Variants in MCM3AP observed in about 807,000 individuals in gnomAD.
MCM3AP encodes the protein minichromosome maintenance complex component 3 associated protein, also known as germinal-center associated nuclear protein.
A neutral mutation model predicts 184.1 loss-of-function variants in MCM3AP; 126 were observed. That is an observed-to-expected ratio of 0.68 (90% CI 0.59 to 0.79). MCM3AP has a LOEUF of 0.79. Ranked by LOEUF, MCM3AP falls within the 30% of genes least tolerant of loss-of-function variation. MCM3AP has a pLI of 0.00. For missense variants in MCM3AP, 2,496 were observed against 2,479.2 expected (o/e 1.01, Z -0.14); for synonymous variants, 1,002 against 979.3 (o/e 1.02, Z -0.43).
At chr21:46,258,508 T>C (rs2145655820) in intron 16 of MCM3AP, among the ~76,000 whole-genome samples, 1 of 152,324 alleles carries the variant, frequency 6.6e-6, no homozygotes, top group South Asian at 2.1e-4. Context: ...ACAACCTATT[T>C]AGTTTGAATA....
chr21:46,260,834 C>T lies in MCM3AP; in HGVS notation c.3540G>A (p.Val1180=). 1.2e-6 allele frequency: 2 copies of T among 1,614,206 alleles called. No individual in the cohort carries two copies. The highest frequency in any genetic ancestry group is 1.7e-6 in the Non-Finnish European group (2 of 1,180,028). Residue 1180 remains valine (V), a synonymous_variant, in exon 15 of 28, where the codon GTG becomes GTA. Transcript: ENST00000291688. ...QGLAVELMER[V]MMEFVRETCS... The stretch of plus-strand genomic sequence containing the variant: ...AGGTTTCCCTCACAAACTCCATCAT[C>T]ACGCGTTCCATCAGCTCCACGGCCA...
rs763090302 is a variant in MCM3AP, at chr21:46,243,482, CG to C, written c.5278del (p.Arg1760GlyfsTer9). The C allele has an allele frequency of 5.0e-6, 8 of 1,610,470 alleles. No homozygotes were observed. Among genetic ancestry groups the C allele is most frequent in the Non-Finnish European group, 5.9e-6 (7 of 1,177,816 alleles). ...CTAATTACCTGATGTAACAGGAAGCCGGGGGGGCGTCCAGTCTCTCAGCTTG... is the reference window on the plus strand; with the variant it reads ...CTAATTACCTGATGTAACAGGAAGCCGGGGGGCGTCCAGTCTCTCAGCTTG... ...NHKLRDWTPP[R>X]LPVTSEALSE... On this transcript the variant is annotated frameshift_variant, in exon 24 of 28. Coordinates refer to ENST00000291688, the MANE Select transcript of MCM3AP (RefSeq NM_003906.5). LOFTEE classifies it high-confidence loss of function.
At chr21:46,251,441 A>C in intron 20 of MCM3AP, 88 bp downstream of exon 20, 1 of 1,076,764 alleles carries the variant, frequency 9.3e-7, no homozygotes, top group African/African-American at 1.5e-5. Flanking sequence ...ATTAGGGAAT[A>C]AGCAGTATTT....
rs368939613 is a variant in MCM3AP, at chr21:46,243,633, C to G, written c.5128G>C (p.Val1710Leu). Residue 1710 changes from valine (V) to leucine (L), a missense_variant, in exon 24 of 28, where the codon GTG becomes CTG. Physicochemically the swap from Val to Leu is conservative, Grantham distance 32 (BLOSUM62 1). Coordinates refer to ENST00000291688, the MANE Select transcript of MCM3AP (RefSeq NM_003906.5). ...RQTQPVLQSQVENLLHRTYCR... is the reference protein window; with the variant it reads ...RQTQPVLQSQLENLLHRTYCR... ...TAGGTTCTGTGGAGCAGGTTCTCCA[C>G]CTGGGACTGGAGGACAGGCTGTGTC... 3.7e-5 allele frequency: 59 copies of G among 1,614,104 alleles called. No individual in the cohort carries two copies. Among genetic ancestry groups the G allele is most frequent in the Admixed American group, 1.5e-4 (9 of 60,004 alleles).
At chr21:46,271,198 A>C (rs999222964) in intron 8 of MCM3AP, among the ~76,000 whole-genome samples, 7 of 151,586 alleles carry the variant, frequency 4.6e-5, no homozygotes, top group African/African-American at 1.5e-4. Flanking sequence ...TACTTGCTCT[A>C]TCACCCAGGC....
intron 9 of MCM3AP, among the ~76,000 whole-genome samples, chr21:46,269,357 T>C (rs2081152501): frequency 6.6e-6 from 1 of 152,038 alleles, no homozygotes. Context: ...GCTCAAGCAA[T>C]TTTCCCACCT....
At chr21:46,256,474 A>C in intron 17 of MCM3AP, 3 of 375,560 alleles carry the variant, frequency 8.0e-6, no homozygotes, top group Non-Finnish European at 9.9e-6. Context: ...CAAGGATGGA[A>C]GTGGCAGGTA....
At chr21:46,267,792 G>C (rs2081132313) in intron 9 of MCM3AP, 1 of 152,482 alleles carries the variant, frequency 6.6e-6, no homozygotes, top group Non-Finnish European at 1.5e-5. Flanking sequence ...AGCAACATGG[G>C]AGGCTAAAGT....
chr21:46,250,504 T>G (rs1322857347), intron 20 of MCM3AP: 2 of 152,204 alleles, frequency 1.3e-5, no homozygotes, highest in African/African-American at 4.8e-5. Flanking sequence ...ATAAACACAC[T>G]CAGACTTCCA....
chr21:46,257,110 C>G (rs2080965689), intron 16 of MCM3AP, 124 bp from the exon 17 acceptor site: 1 of 1,339,624 alleles, frequency 7.5e-7, no homozygotes. Context: ...AGCAATGAAA[C>G]TACCGAACGT....
intron 12 of MCM3AP, 73 bp downstream of exon 12, chr21:46,265,248 T>G: frequency 1.4e-5 from 20 of 1,392,722 alleles, no homozygotes; most frequent in South Asian, 2.4e-5. Context: ...CCCCACCTCA[T>G]GGGGTGATGA....
chr21:46,241,073 C>T, intron 25 of MCM3AP, 56 bp from the exon 26 acceptor site: 1 of 1,222,152 alleles, frequency 8.2e-7, no homozygotes, highest in South Asian at 1.3e-5. Context: ...TCTACAGCAT[C>T]ATGTAAAGCA....
chr21:46,264,235 T>A lies in MCM3AP; in HGVS notation c.3235-18A>T. ...GCCAGGTCCTGTGGAGAGACCAGCA[T>A]GGGGTGTAATGGAACGTCCCACCCA... On this transcript the variant is annotated intron_variant, in intron 12 of 27. Coordinates refer to ENST00000291688, the MANE Select transcript of MCM3AP (RefSeq NM_003906.5). 1 of 1,519,918 alleles carries A rather than the reference T, an allele frequency of 6.6e-7. No homozygotes were observed. Among genetic ancestry groups the A allele is most frequent in the Non-Finnish European group, 9.1e-7 (1 of 1,098,232 alleles). The allele number at this position is 1,519,918 out of a possible 1,614,324, so 94.2% of individuals were successfully genotyped here. A position where few individuals can be genotyped will look rare whatever the true frequency, so the allele number is the denominator to read the frequency against.
chr21:46,239,211 C>G (rs2080603261), intron 26 of MCM3AP, among the ~76,000 whole-genome samples: 1 of 152,168 alleles, frequency 6.6e-6, no homozygotes, highest in Non-Finnish European at 1.5e-5. Context: ...CCCTGGCCAC[C>G]CCTGCAAAGT....
intron 5 of MCM3AP, among the ~76,000 whole-genome samples, chr21:46,275,754 A>G (rs1601539831): frequency 6.6e-6 from 1 of 152,350 alleles, no homozygotes; most frequent in East Asian, 1.9e-4. Flanking sequence ...AACAACTGCA[A>G]ATATTCAAAA....
intron 19 of MCM3AP, chr21:46,253,544 A>C (rs530917080): frequency 6.6e-6 from 1 of 152,150 alleles, no homozygotes; most frequent in African/African-American, 2.4e-5. Flanking sequence ...CTCTCACGAG[A>C]TCTGGTTAAG....
rs568056943 is a variant in MCM3AP, at chr21:46,261,002, T to C, written c.3468-96A>G. 1.5e-5 allele frequency: 15 copies of C among 1,029,264 alleles called. No homozygotes were observed. In the South Asian group the frequency reaches 1.8e-4, roughly 12 times the overall value. 63.8% of individuals were successfully genotyped at this position (1,029,264 alleles called of 1,614,324 possible). ...CTGGCCACGCAGACAGGGATTGAGGTGTGCTGCCTGAGTCGGTAGGCCACC... is the reference window on the plus strand; with the variant it reads ...CTGGCCACGCAGACAGGGATTGAGGCGTGCTGCCTGAGTCGGTAGGCCACC... On this transcript the variant is annotated intron_variant, in intron 14 of 27. Coordinates refer to ENST00000291688, the MANE Select transcript of MCM3AP (RefSeq NM_003906.5).
chr21:46,257,948 C>G (rs1194216295), intron 16 of MCM3AP, among the ~76,000 whole-genome samples: 1 of 149,318 alleles, frequency 6.7e-6, no homozygotes, highest in African/African-American at 2.5e-5. Flanking sequence ...AAAAGAGCCA[C>G]ATGAAAGTCC....
intron 2 of MCM3AP, among the ~76,000 whole-genome samples, chr21:46,282,290 T>C (rs1327535630): frequency 6.6e-6 from 1 of 152,168 alleles, no homozygotes; most frequent in Non-Finnish European, 1.5e-5. Flanking sequence ...ATGAACATTA[T>C]TCACAATAGC....
Sources: allele counts gnomAD v4.1 joint callset (sites outside exome capture counted in the v4.1 genomes callset), GRCh38; gene constraint gnomAD v4.1.1; transcripts MANE v1.5; gene names NCBI Gene and HGNC (gene_info 2026-07-23, HGNC 2026-07-21).